Variants in TRIM26 observed in about 807,000 individuals in gnomAD.
TRIM26 encodes the protein tripartite motif-containing protein 26.
Under a neutral mutation model 45.5 loss-of-function variants are expected in TRIM26, and 16 were observed. The observed-to-expected ratio is 0.35, with a 90% confidence interval of 0.24 to 0.53. TRIM26 has a LOEUF of 0.53. TRIM26 is among the 20% of genes least tolerant of loss of function. The probability of loss-of-function intolerance (pLI) is 0.92; values close to 1 mark genes in which losing one functional copy is unlikely to be tolerated. For missense variants in TRIM26, 442 were observed against 691.1 expected (o/e 0.64, Z 4.04); for synonymous variants, 273 against 290.4 (o/e 0.94, Z 0.61).
At chr6:30,195,705 TG>T (rs1776391207) in intron 6 of TRIM26, among the ~76,000 whole-genome samples, 2 of 152,178 alleles carry the variant, frequency 1.3e-5, no homozygotes, top group African/African-American at 4.8e-5. Flanking sequence ...CTAGAGATCC[TG>T]GGTGGCTCTG....
Position 30,188,217 on chromosome 6 carries a change from CAAA to C in TRIM26, c.937+947_937+949del, listed in dbSNP as rs9280914. On this transcript the variant is annotated intron_variant, in intron 9 of 9. Transcript: ENST00000454678. ...CCTGGGCGACAGCGAGACTCCGTCT[CAAA>C]AAAAAAAAAAAAAAAAAAAAAAGAA... The C allele has an allele frequency of 3.7e-4, 39 of 105,386 alleles. 1 individual carries two copies. Among genetic ancestry groups the C allele is most frequent in the South Asian group, 3.5e-3 (8 of 2,312 alleles). The allele number at this position is 105,386 out of a possible 1,614,324, so 6.5% of individuals were successfully genotyped here. A position where few individuals can be genotyped will look rare whatever the true frequency, so the allele number is the denominator to read the frequency against.
chr6:30,188,478 G>T, intron 9 of TRIM26: 1 of 271,772 alleles, frequency 3.7e-6, no homozygotes, highest in Non-Finnish European at 7.4e-6. Context: ...AAAATTTGAC[G>T]GTATTCACAG....
chr6:30,194,131 G>C (rs1776228461), intron 6 of TRIM26, among the ~76,000 whole-genome samples: 1 of 152,146 alleles, frequency 6.6e-6, no homozygotes, highest in African/African-American at 2.4e-5. Flanking sequence ...AGGGATACCT[G>C]CACACTCATG....
chr6:30,194,515 T>C (rs1776262536), intron 6 of TRIM26, among the ~76,000 whole-genome samples: 2 of 152,220 alleles, frequency 1.3e-5, no homozygotes, highest in Admixed American at 6.5e-5. Context: ...GTGACAGATA[T>C]ACTAATTACT....
At chr6:30,204,050 T>C (rs2844776) in intron 2 of TRIM26, among the ~76,000 whole-genome samples, 35,515 of 152,108 alleles carry the variant, frequency 0.23, 4,698 homozygotes, top group African/African-American at 0.34. Flanking sequence ...TTCAGGGGAA[T>C]TGCAGACAAT....
Position 30,199,145 on chromosome 6 carries a change from C to T in TRIM26, c.-42G>A. 1.3e-6 allele frequency: 2 copies of T among 1,513,130 alleles called. No homozygotes were observed. The highest frequency in any genetic ancestry group is 8.9e-7 in the Non-Finnish European group (1 of 1,128,958). The allele number at this position is 1,513,130 out of a possible 1,614,324, so 93.7% of individuals were successfully genotyped here. ...AGAGGTCTCCGTTCACTGGTGAGGACTTCTTCTCCTTGGAGACGCGACATA... is the reference window on the plus strand; with the variant it reads ...AGAGGTCTCCGTTCACTGGTGAGGATTTCTTCTCCTTGGAGACGCGACATA... On this transcript the variant is annotated 5_prime_UTR_variant, in exon 4 of 10. Transcript: ENST00000454678.
intron 6 of TRIM26, among the ~76,000 whole-genome samples, chr6:30,195,326 G>T (rs1307684233): frequency 6.6e-6 from 1 of 152,158 alleles, no homozygotes; most frequent in African/African-American, 2.4e-5. Flanking sequence ...TATGACGAGA[G>T]AAATCTGAGA....
chr6:30,201,068 G>A lies in TRIM26; in HGVS notation c.-195C>T, dbSNP rs1562221460. On this transcript the variant is annotated 5_prime_UTR_variant, in exon 3 of 10. Transcript: ENST00000454678. ...CTTGCTCTCCTATAGATCCATGGAA[G>A]GCAACTACAGCAGCGCTGGGAAGAC... 1 of 152,290 alleles carries A rather than the reference G, an allele frequency of 6.6e-6. No individual in the cohort carries two copies. The highest frequency in any genetic ancestry group is 1.5e-5 in the Non-Finnish European group (1 of 68,070). The allele number at this position is 152,290 out of a possible 1,614,324, so 9.4% of individuals were successfully genotyped here. A position where few individuals can be genotyped will look rare whatever the true frequency, so the allele number is the denominator to read the frequency against.
Position 30,196,854 on chromosome 6 carries a change from G to GAATTCTA in TRIM26, c.535-115_535-109dup, listed in dbSNP as rs1236148335. 2 of 1,047,678 alleles carry GAATTCTA rather than the reference G, an allele frequency of 1.9e-6. No homozygotes were observed. The highest frequency in any genetic ancestry group is 3.2e-5 in the African/African-American group (2 of 63,164). The allele number at this position is 1,047,678 out of a possible 1,614,324, so 64.9% of individuals were successfully genotyped here. A position where few individuals can be genotyped will look rare whatever the true frequency, so the allele number is the denominator to read the frequency against. On this transcript the variant is annotated intron_variant, in intron 5 of 9. Transcript: ENST00000454678. The surrounding 1 kb of genome is among the most constrained non-coding windows in gnomAD (Gnocchi z 4.9). ...CGTTCACCTCGCTACCCCCGTTCAG[G>GAATTCTA]AATTCTACAGGATCTGGAGTGGGAG... is the stretch of plus-strand genomic sequence containing the variant.
Position 30,198,307 on chromosome 6 carries a change from G to A in TRIM26, c.534+122C>T. 4.8e-6 allele frequency: 5 copies of A among 1,041,564 alleles called. No individual in the cohort carries two copies. Among genetic ancestry groups the A allele is most frequent in the Non-Finnish European group, 7.2e-6 (5 of 689,962 alleles). The allele number at this position is 1,041,564 out of a possible 1,614,324, so 64.5% of individuals were successfully genotyped here. On this transcript the variant is annotated intron_variant, in intron 5 of 9. Transcript: ENST00000454678. This position sits in a 1 kb window ranked among gnomAD's most constrained non-coding sequence, Gnocchi z 6.3. ...AACCCAGGTCTGCTACTGCCAGGCTGACACCCATCCTCCCTGTGAGCAGCG... is the reference window on the plus strand; with the variant it reads ...AACCCAGGTCTGCTACTGCCAGGCTAACACCCATCCTCCCTGTGAGCAGCG...
Position 30,196,694 on chromosome 6 carries a change from T to A in TRIM26, c.587A>T (p.His196Leu), listed in dbSNP as rs1478544540. Residue 196 changes from histidine (H) to leucine (L), a missense_variant, in exon 6 of 10, where the codon CAT (histidine) becomes CTT (leucine). By Grantham distance (99) the His-to-Leu change is moderately conservative. Transcript: ENST00000454678. This position sits in a 1 kb window ranked among gnomAD's most constrained non-coding sequence, Gnocchi z 4.9. ...QYIVAEFEQG[H>L]QFLREREEHL... ...TTCCTCCCGCTCCCTCAGGAACTGATGACCCTGCTCAAACTCAGCCACAAT... is the reference window on the plus strand; with the variant it reads ...TTCCTCCCGCTCCCTCAGGAACTGAAGACCCTGCTCAAACTCAGCCACAAT... The A allele has an allele frequency of 6.2e-7, 1 of 1,614,252 alleles. No individual in the cohort carries two copies. Among genetic ancestry groups the A allele is most frequent in the Admixed American group, 1.7e-5 (1 of 60,032 alleles).
Position 30,186,099 on chromosome 6 carries a change from G to C in TRIM26, c.1397C>G (p.Ser466Cys). ...GGTGTTGGCCCAGATGCCGGAGGAG[G>C]AGAGGCGCAGCGCCCACACGCCATC... is the stretch of plus-strand genomic sequence containing the variant. ...PEDGVWALRL[S>C]SSGIWANTSP... The change falls in exon 10 of 10, where the codon TCC becomes TGC. Residue 466 changes from serine to cysteine, a missense_variant. By Grantham distance (112) the Ser-to-Cys change is moderately radical. Transcript: ENST00000454678. The surrounding 1 kb of genome is among the most constrained non-coding windows in gnomAD (Gnocchi z 7.4). 1 of 1,590,824 alleles carries C rather than the reference G, an allele frequency of 6.3e-7. No individual in the cohort carries two copies. The highest frequency in any genetic ancestry group is 1.1e-5 in the South Asian group (1 of 88,192).
At chr6:30,213,140 C>A (rs1215983900) in intron 1 of TRIM26, among the ~76,000 whole-genome samples, 165 bp downstream of exon 1, 2 of 152,208 alleles carry the variant, frequency 1.3e-5, no homozygotes, top group African/African-American at 2.4e-5. Flanking sequence ...CAGGAGGGAT[C>A]TGGCTGGCAG....
Position 30,185,660 on chromosome 6 carries a change from CAGG to C in TRIM26, c.*213_*215del. 1 of 589,866 alleles carries C rather than the reference CAGG, an allele frequency of 1.7e-6. No individual in the cohort carries two copies. The highest frequency in any genetic ancestry group is 2.9e-6 in the Non-Finnish European group (1 of 341,824). 36.5% of individuals were successfully genotyped at this position (589,866 alleles called of 1,614,324 possible). A position where few individuals can be genotyped will look rare whatever the true frequency, so the allele number is the denominator to read the frequency against. ...GTCAGAAGTTCCCTCGGGAAACCAG[CAGG>C]AGGTGGGAAAAGAGCCCCATTAGGG... On this transcript the variant is annotated 3_prime_UTR_variant, in exon 10 of 10. Coordinates refer to ENST00000454678, the MANE Select transcript of TRIM26 (RefSeq NM_003449.5). This position sits in a 1 kb window ranked among gnomAD's most constrained non-coding sequence, Gnocchi z 5.7.
chr6:30,192,555 A>T (rs1562197606), intron 6 of TRIM26, among the ~76,000 whole-genome samples: 1 of 151,328 alleles, frequency 6.6e-6, no homozygotes, highest in Admixed American at 6.6e-5. Flanking sequence ...TTTTATTTTA[A>T]TTTTTTTGAG....
rs1156304691 is a variant in TRIM26 at position 30,207,889 on chromosome 6, T to C, written c.-375-3124A>G. 2.0e-5 allele frequency among the ~76,000 whole-genome samples: 3 copies of C among 152,228 alleles called. No homozygotes were observed. Among genetic ancestry groups the C allele is most frequent in the Admixed American group, 6.5e-5 (1 of 15,280 alleles). ...AGTCTCAGCTGAAAGCCACCTCCTC[T>C]GGCAATTCTTTCCTGACCTGTCAGA... On this transcript the variant is annotated intron_variant, in intron 1 of 9. Coordinates refer to ENST00000454678, the MANE Select transcript of TRIM26 (RefSeq NM_003449.5). The surrounding 1 kb of genome is among the most constrained non-coding windows in gnomAD (Gnocchi z 4.9).
rs746598803 is a variant in TRIM26, at chr6:30,198,729, C to A, written c.375G>T (p.Arg125=). ...DDGKLLCVMC[R]ESREHRPHTA... ...TGTGGGGCCTGTGCTCCCGGGACTC[C>A]CGGCACATCACGCACAGCAGCTTCC... The change falls in exon 4 of 10, where the codon CGG becomes CGT. Residue 125 remains arginine, a synonymous_variant. Coordinates refer to ENST00000454678, the MANE Select transcript of TRIM26 (RefSeq NM_003449.5). This position sits in a 1 kb window ranked among gnomAD's most constrained non-coding sequence, Gnocchi z 6.3. The A allele has an allele frequency of 6.2e-7, 1 of 1,604,568 alleles. No individual in the cohort carries two copies. Among genetic ancestry groups the A allele is most frequent in the Non-Finnish European group, 8.5e-7 (1 of 1,179,942 alleles).
In TRIM26 at chr6:30,195,980, G is replaced by A. The variant is rs144498358; in HGVS notation, c.765+536C>T. Among the ~76,000 whole-genome samples the A allele has an allele frequency of 7.3e-3, 1,108 of 152,252 alleles. 42 individuals carry two copies. The South Asian group carries it at 0.12, about 17-fold the overall frequency. Reference sequence around the variant, plus strand: ...AGCCCCCTCCTCTAGGAGGTGCCCCGAGGCCCCCTTGTCTGCTTTCCATCT... The same window carrying A: ...AGCCCCCTCCTCTAGGAGGTGCCCCAAGGCCCCCTTGTCTGCTTTCCATCT... On this transcript the variant is annotated intron_variant, in intron 6 of 9. Coordinates refer to ENST00000454678, the MANE Select transcript of TRIM26 (RefSeq NM_003449.5).
chr6:30,187,077 A>C (rs1458057376), intron 9 of TRIM26: 2 of 296,386 alleles, frequency 6.7e-6, no homozygotes, highest in Non-Finnish European at 1.3e-5. Flanking sequence ...TTCACATAGT[A>C]ATTGGGATCT....
Sources: allele counts gnomAD v4.1 joint callset (sites outside exome capture counted in the v4.1 genomes callset), GRCh38; gene constraint gnomAD v4.1.1; non-coding constraint Gnocchi (gnomAD v3.1); transcripts MANE v1.5; gene names NCBI Gene and HGNC (gene_info 2026-07-23, HGNC 2026-07-21).